The following MAP3K19 variants were observed in gnomAD, a reference collection of about 807,000 sequenced individuals.
MAP3K19 encodes mitogen-activated protein kinase kinase kinase 19.
In MAP3K19, 91 loss-of-function variants were observed where a neutral mutation model predicts 114.4. The observed-to-expected ratio is 0.80, with a 90% CI of 0.67 to 0.95. MAP3K19 has a LOEUF of 0.95. Among genes scored for constraint, MAP3K19 ranks in the 40% least tolerant of loss-of-function variants. The pLI, the probability that MAP3K19 is intolerant of heterozygous loss-of-function variation, is 0.00. For missense variants in MAP3K19, 1,471 were observed against 1,573.2 expected, an observed-to-expected ratio of 0.94 and a Z score of 1.10; for synonymous variants, 518 against 530.5, an observed-to-expected ratio of 0.98 and a Z score of 0.32.
At chr2:135,045,871 A>T (rs904814029) in intron 1 of MAP3K19, among the ~76,000 whole-genome samples, 1 of 151,950 alleles carries the variant, frequency 6.6e-6, no homozygotes, top group Non-Finnish European at 1.5e-5. Context: ...AGCACATAGC[A>T]TTATCCCTAT....
intron 8 of MAP3K19, among the ~76,000 whole-genome samples, chr2:134,993,643 A>AT (rs1284794838): frequency 1.3e-5 from 2 of 152,174 alleles, no homozygotes; most frequent in Admixed American, 1.3e-4. Flanking sequence ...AGCATCCTGA[A>AT]TTTTTTAAAA....
At chr2:134,965,357 T>C (rs1048061637) in intron 12 of MAP3K19, among the ~76,000 whole-genome samples, 26 of 152,228 alleles carry the variant, frequency 1.7e-4, no homozygotes, top group African/African-American at 6.3e-4. Context: ...AAAATAGATA[T>C]TCAAATATGC....
intron 12 of MAP3K19, among the ~76,000 whole-genome samples, chr2:134,973,177 C>T (rs144877424): frequency 2.2e-4 from 33 of 152,242 alleles, no homozygotes; most frequent in Non-Finnish European, 4.1e-4. Flanking sequence ...ATCCAGGTTT[C>T]TCTATTGATG....
Position 134,983,713 on chromosome 2 carries a change from G to A in MAP3K19, c.3185C>T (p.Thr1062Ile). 2 of 1,589,664 alleles carry A rather than the reference G, an allele frequency of 1.3e-6. No individual in the cohort carries two copies. The highest frequency in any genetic ancestry group is 1.7e-4 in the Middle Eastern group (1 of 5,878). ...TCCCTTTCCAAGAATCTCACCCTTG[G>A]TCCATAGGATAGGTTCTTCAGACTT... ...SLKSEEPILW[T>I]KGEILGKGAY... is the part of the protein sequence containing the mutation. Residue 1062 changes from threonine to isoleucine, a missense_variant, in exon 11 of 13, where the codon ACC (threonine) becomes ATC (isoleucine). Transcript: ENST00000392915.
Position 135,008,048 on chromosome 2 carries a change from CTAAG to C in MAP3K19, c.139-2521_139-2518del, listed in dbSNP as rs539348776. 1.1e-3 allele frequency among the ~76,000 whole-genome samples: 172 copies of C among 152,040 alleles called. 1 individual carries two copies. The highest frequency in any genetic ancestry group is 3.7e-3 in the African/African-American group (154 of 41,464). On this transcript the variant is annotated intron_variant, in intron 5 of 12. Coordinates refer to ENST00000392915, the MANE Select transcript of MAP3K19 (RefSeq NM_025052.5). ...TAAGTGTAAATTCATAAGCAATTTA[CTAAG>C]TAAGTGTCATTTTAATTTTAATGGA...
rs369076099 is a variant in MAP3K19 at position 135,033,445 on chromosome 2, T to C, written c.-283-2945A>G. Among the ~76,000 whole-genome samples, 120 of 65,936 alleles carry C rather than the reference T, an allele frequency of 1.8e-3. 1 individual carries two copies. Among genetic ancestry groups the C allele is most frequent in the South Asian group, 6.4e-3 (8 of 1,250 alleles). The allele number at this position is 65,936 out of a possible 152,430, so 43.3% of individuals were successfully genotyped here. The stretch of plus-strand genomic sequence containing the variant: ...GATCCTCACTTCCCAGTAGGGGCGG[T>C]CGGGCAGAGGCGCCCCCCACCCCCC... On this transcript the variant is annotated intron_variant, in intron 2 of 12. Coordinates refer to ENST00000392915, the MANE Select transcript of MAP3K19 (RefSeq NM_025052.5).
At position 135,005,507 on chromosome 2, in the gene MAP3K19, T is replaced by A. The variant is rs1174284175; in HGVS notation, c.163A>T (p.Ser55Cys). The change falls in exon 6 of 13, where the codon AGT becomes TGT. Residue 55 changes from serine (S) to cysteine (C), a missense_variant. By Grantham distance (112) the Ser-to-Cys change is moderately radical (BLOSUM62 -1). Coordinates refer to ENST00000392915, the MANE Select transcript of MAP3K19 (RefSeq NM_025052.5). The part of the protein sequence containing the change: ...SEEFDQDGDC[S>C]HSTLVNEEED... ...TCTTCATTAACCAGTGTGGAATGAC[T>A]GCAGTCACCATCTTGGTCGAACTCC... The A allele has an allele frequency of 3.7e-6, 6 of 1,614,092 alleles. No homozygotes were observed. The highest frequency in any genetic ancestry group is 5.1e-6 in the Non-Finnish European group (6 of 1,179,948).
Position 134,981,347 on chromosome 2 carries a change from G to A in MAP3K19, c.3394C>T (p.Gln1132Ter). 2.5e-6 allele frequency: 4 copies of A among 1,614,152 alleles called. No homozygotes were observed. Among genetic ancestry groups the A allele is most frequent in the Non-Finnish European group, 3.4e-6 (4 of 1,180,030 alleles). ...NIVAYLGTCL[Q>*]ENTVSIFMEF... is the part of the protein sequence containing the mutation. ...ATGAAAATGCTCACAGTGTTCTCTTGCAAGCATGTCCCCAAATAGGCCACA... is the reference window on the plus strand; with the variant it reads ...ATGAAAATGCTCACAGTGTTCTCTTACAAGCATGTCCCCAAATAGGCCACA... Residue 1132 changes from glutamine (Q) to a stop codon, truncating the protein, a stop_gained, in exon 12 of 13, where the codon CAA becomes TAA. Transcript: ENST00000392915. LOFTEE classifies it high-confidence loss of function.
At chr2:135,024,353 C>CTATAAGT (rs1553433367) in intron 4 of MAP3K19, among the ~76,000 whole-genome samples, 2 of 152,172 alleles carry the variant, frequency 1.3e-5, no homozygotes, top group African/African-American at 4.8e-5. Context: ...ACTATAAGTC[C>CTATAAGT]CTCTTCCCCT....
Position 134,999,488 on chromosome 2 carries a change from C to T in MAP3K19, c.314+449G>A, listed in dbSNP as rs185590558. On this transcript the variant is annotated intron_variant, in intron 7 of 12. Coordinates refer to ENST00000392915, the MANE Select transcript of MAP3K19 (RefSeq NM_025052.5). The surrounding 1 kb of genome is among the most constrained non-coding windows in gnomAD (Gnocchi z 4.1). ...TTTGTTTCACTACCCGATCAATGAA[C>T]GTAAGTTATTTGCCAAATTGCTTTG... Among the ~76,000 whole-genome samples the T allele has an allele frequency of 3.3e-5, 5 of 152,274 alleles. No individual in the cohort carries two copies. The South Asian group carries it at 6.2e-4, about 19-fold the overall frequency.
chr2:134,996,271 CTTTTTTTTTTTT>C (rs61265758), intron 8 of MAP3K19, among the ~76,000 whole-genome samples: 1 of 125,818 alleles, frequency 7.9e-6, no homozygotes, highest in South Asian at 2.6e-4. Context: ...CTTCTTATTT[CTTTTTTTTTTTT>C]TTTTTTTTTG....
chr2:134,980,605 C>T, intron 12 of MAP3K19: 1 of 536,274 alleles, frequency 1.9e-6, no homozygotes. Context: ...TTAATTGAGG[C>T]ACTTTCTACT....
At chr2:135,039,208 A>G (rs1262686734) in intron 2 of MAP3K19, among the ~76,000 whole-genome samples, 1 of 151,714 alleles carries the variant, frequency 6.6e-6, no homozygotes, top group Non-Finnish European at 1.5e-5. Flanking sequence ...AAAAAGAAAA[A>G]GAGCTTAAAA....
At chr2:134,996,271 C>CTT (rs61265758) in intron 8 of MAP3K19, among the ~76,000 whole-genome samples, 26 of 125,762 alleles carry the variant, frequency 2.1e-4, no homozygotes, top group African/African-American at 2.7e-4. Context: ...CTTCTTATTT[C>CTT]TTTTTTTTTT....
At chr2:135,023,621 C>G (rs1470389989) in intron 4 of MAP3K19, 1 of 491,494 alleles carries the variant, frequency 2.0e-6, no homozygotes, top group Admixed American at 2.3e-5. Context: ...CTCTGTGTCT[C>G]CGCTGTCAAC....
chr2:134,976,123 CAAG>C (rs1221736812), intron 12 of MAP3K19, among the ~76,000 whole-genome samples: 5 of 152,170 alleles, frequency 3.3e-5, no homozygotes, highest in Non-Finnish European at 5.9e-5. Context: ...CAGGTAAACA[CAAG>C]AAGATGTAAG....
chr2:134,986,485 A>G lies in MAP3K19; in HGVS notation c.2387T>C (p.Met796Thr). The part of the protein sequence containing the change: ...MNLAQTPEQS[M>T]KQNEFPPVSD... ...GACAGGAGGGAATTCATTCTGTTTC[A>G]TGGACTGCTCAGGTGTCTGAGCCAA... Residue 796 changes from methionine to threonine, a missense_variant, in exon 10 of 13, where the codon ATG becomes ACG. Transcript: ENST00000392915. The G allele has an allele frequency of 6.2e-7, 1 of 1,614,194 alleles. No individual in the cohort carries two copies. Among genetic ancestry groups the G allele is most frequent in the Non-Finnish European group, 8.5e-7 (1 of 1,180,028 alleles).
chr2:134,998,580 C>T (rs755317837), intron 8 of MAP3K19, among the ~76,000 whole-genome samples, 158 bp downstream of exon 8: 4 of 152,166 alleles, frequency 2.6e-5, no homozygotes, highest in Non-Finnish European at 4.4e-5. Context: ...GTCTGTCTCG[C>T]ACCCCCATGA....
chr2:135,011,501 T>C (rs376778998), intron 5 of MAP3K19, among the ~76,000 whole-genome samples: 180 of 143,840 alleles, frequency 1.3e-3, no homozygotes, highest in African/African-American at 3.5e-3. Context: ...CGCGCCACTG[T>C]ACTCCAGCCT....
Sources: allele counts gnomAD v4.1 joint callset (sites outside exome capture counted in the v4.1 genomes callset), GRCh38; gene constraint gnomAD v4.1.1; non-coding constraint Gnocchi (gnomAD v3.1); transcripts MANE v1.5; gene names NCBI Gene and HGNC (gene_info 2026-07-23, HGNC 2026-07-21).